KIF16B: variants seen among roughly 807,000 people sequenced by gnomAD.
The protein encoded by KIF16B is kinesin-like protein KIF16B.
Under a neutral mutation model 156.3 loss-of-function variants are expected in KIF16B, and 98 were observed. The ratio of observed to expected loss-of-function variants is 0.63; its 90% CI spans 0.53 to 0.74. The LOEUF (loss-of-function observed/expected upper bound fraction) is 0.74. Among genes scored for constraint, KIF16B ranks in the 30% least tolerant of loss-of-function variants. The pLI is 0.00. For missense variants in KIF16B, 1,421 were observed against 1,606.5 expected (o/e 0.88, Z 1.97); for synonymous variants, 564 against 583.7 (o/e 0.97, Z 0.49).
chr20:16,487,602 G>C (rs571776481), intron 12 of KIF16B, among the ~76,000 whole-genome samples: 3 of 152,140 alleles, frequency 2.0e-5, no homozygotes, highest in African/African-American at 7.2e-5. Flanking sequence ...GATATAAGCT[G>C]GTTGAAAGCA....
chr20:16,570,011 CACAA>C (rs1186878515), intron 1 of KIF16B, among the ~76,000 whole-genome samples: 1 of 152,060 alleles, frequency 6.6e-6, no homozygotes, highest in Non-Finnish European at 1.5e-5. Flanking sequence ...TGTTAGCACA[CACAA>C]ACACACAACT....
rs1055359880 is a variant in KIF16B, at chr20:16,476,390, G to C, written c.1302+17901C>G. ...TTTGTTAAAGTGAAGAAATCATTTT[G>C]TTCTCCAATAGTTTTGTTTTAAATG... On this transcript the variant is annotated intron_variant, in intron 12 of 25. Transcript: ENST00000354981. Among the ~76,000 whole-genome samples the C allele has an allele frequency of 3.9e-5, 6 of 152,244 alleles. No homozygotes were observed. The East Asian group carries it at 7.7e-4, about 20-fold the overall frequency.
intron 22 of KIF16B, 105 bp downstream of exon 22, chr20:16,370,481 G>T (rs76723895): frequency 1.2e-6 from 1 of 853,820 alleles, no homozygotes; most frequent in East Asian, 3.0e-5. Context: ...TAATCTTGCC[G>T]GGACCTCAAA....
At chr20:16,453,518 G>C (rs2067139144) in intron 12 of KIF16B, among the ~76,000 whole-genome samples, 1 of 151,650 alleles carries the variant, frequency 6.6e-6, no homozygotes, top group African/African-American at 2.4e-5. Flanking sequence ...AGATAAAATG[G>C]ATAGACAAAT....
intron 21 of KIF16B, among the ~76,000 whole-genome samples, chr20:16,371,014 A>T (rs535004335): frequency 2.0e-5 from 3 of 152,216 alleles, no homozygotes; most frequent in Non-Finnish European, 4.4e-5. Flanking sequence ...AAAATAAATA[A>T]CTACGGAAAT....
intron 17 of KIF16B, among the ~76,000 whole-genome samples, chr20:16,398,148 A>G (rs1186284224): frequency 6.6e-6 from 1 of 152,252 alleles, no homozygotes; most frequent in African/African-American, 2.4e-5. Flanking sequence ...TCCTGAGGAT[A>G]CGACTCTATG....
chr20:16,561,759 T>C (rs2071072275), intron 1 of KIF16B, among the ~76,000 whole-genome samples: 1 of 152,228 alleles, frequency 6.6e-6, no homozygotes, highest in Non-Finnish European at 1.5e-5. Flanking sequence ...TGTGGTATTA[T>C]TGTCAAAAAT....
intron 18 of KIF16B, among the ~76,000 whole-genome samples, chr20:16,381,149 A>G (rs1014258647): frequency 3.9e-5 from 6 of 152,220 alleles, no homozygotes. Flanking sequence ...ATTTCAGAAC[A>G]TATAAAGAAC....
chr20:16,488,737 C>T (rs1014513590), intron 12 of KIF16B, among the ~76,000 whole-genome samples: 1 of 152,180 alleles, frequency 6.6e-6, no homozygotes, highest in Non-Finnish European at 1.5e-5. Context: ...GATGTCAAGG[C>T]TGGATTTATC....
intron 25 of KIF16B, among the ~76,000 whole-genome samples, chr20:16,295,653 T>A (rs1441494389): frequency 6.6e-6 from 1 of 152,046 alleles, no homozygotes; most frequent in Non-Finnish European, 1.5e-5. Flanking sequence ...TTAAAATAAT[T>A]CAATTAAGCG....
chr20:16,458,698 G>C (rs2067273099), intron 12 of KIF16B, among the ~76,000 whole-genome samples: 1 of 151,918 alleles, frequency 6.6e-6, no homozygotes, highest in Admixed American at 6.6e-5. Flanking sequence ...TGGGAACAGA[G>C]GGAAAGAGAA....
At chr20:16,479,985 G>A (rs1226055261) in intron 12 of KIF16B, among the ~76,000 whole-genome samples, 3 of 152,186 alleles carry the variant, frequency 2.0e-5, no homozygotes, top group Non-Finnish European at 4.4e-5. Flanking sequence ...GTCTCCCTTG[G>A]AGGGAGGAGG....
At chr20:16,552,554 C>T (rs1338129561) in intron 1 of KIF16B, among the ~76,000 whole-genome samples, 1 of 152,138 alleles carries the variant, frequency 6.6e-6, no homozygotes, top group African/African-American at 2.4e-5. Flanking sequence ...AGACCCAACC[C>T]CCCACCATGG....
chr20:16,342,863 A>G (rs914652377), intron 23 of KIF16B, among the ~76,000 whole-genome samples: 2 of 152,230 alleles, frequency 1.3e-5, no homozygotes, highest in Non-Finnish European at 2.9e-5. Flanking sequence ...CGGCACAGAA[A>G]AAGCGTTAAA....
At chr20:16,397,438 A>T (rs2065535911) in intron 17 of KIF16B, among the ~76,000 whole-genome samples, 1 of 152,190 alleles carries the variant, frequency 6.6e-6, no homozygotes, top group Admixed American at 6.5e-5. Context: ...AGGCTGATAC[A>T]ATGTTCTTGG....
At chr20:16,338,490 TA>T (rs1189109850) in intron 23 of KIF16B, among the ~76,000 whole-genome samples, 3 of 152,134 alleles carry the variant, frequency 2.0e-5, no homozygotes, top group African/African-American at 7.2e-5. Context: ...GTAATTTCAT[TA>T]ATCACCCAGA....
At chr20:16,318,052 G>C (rs2063723856) in intron 24 of KIF16B, among the ~76,000 whole-genome samples, 1 of 152,178 alleles carries the variant, frequency 6.6e-6, no homozygotes, top group South Asian at 2.1e-4. Context: ...AACAGTTTCA[G>C]GACAATTCTA....
At chr20:16,498,403 C>T (rs1317458009) in intron 10 of KIF16B, among the ~76,000 whole-genome samples, 3 of 152,076 alleles carry the variant, frequency 2.0e-5, no homozygotes, top group Non-Finnish European at 2.9e-5. Flanking sequence ...AAGAGAATAT[C>T]CCTCCTATCC....
chr20:16,442,147 C>T (rs948133410), intron 12 of KIF16B, among the ~76,000 whole-genome samples: 1 of 152,152 alleles, frequency 6.6e-6, no homozygotes, highest in East Asian at 1.9e-4. Flanking sequence ...TGAAAGAATG[C>T]ATATTTACAG....
Sources: gnomAD v4.1 joint callset for allele counts (sites outside exome capture counted in the v4.1 genomes callset) on GRCh38, gnomAD v4.1.1 for gene constraint, MANE v1.5 for transcripts, NCBI Gene and HGNC (gene_info 2026-07-23, HGNC 2026-07-21) for gene names.